Variants in MCPH1 observed in about 807,000 individuals in gnomAD.
MCPH1 encodes microcephalin.
MCPH1 carries 104 observed loss-of-function variants against 84.5 expected under a neutral mutation model. That is an observed-to-expected ratio of 1.23 (90% CI 1.05 to 1.45). MCPH1 has a LOEUF of 1.45. Among genes scored for constraint, MCPH1 ranks in the 40% most tolerant of loss-of-function variants. MCPH1 has a pLI of 0.00. For synonymous variants in MCPH1, 514 were observed against 366.8 expected, an observed-to-expected ratio of 1.40 and a Z score of -4.58; for missense variants, 1,498 against 1,005.7, an observed-to-expected ratio of 1.49 and a Z score of -6.62.
intron 12 of MCPH1, among the ~76,000 whole-genome samples, chr8:6,548,628 G>A (rs961474807): frequency 3.3e-5 from 5 of 152,176 alleles, no homozygotes; most frequent in Non-Finnish European, 4.4e-5. Context: ...AATGATGGCC[G>A]TAAGTCATAG....
At chr8:6,507,276 A>C (rs1197490505) in intron 12 of MCPH1, among the ~76,000 whole-genome samples, 2 of 152,216 alleles carry the variant, frequency 1.3e-5, no homozygotes. Flanking sequence ...TCATTTATAA[A>C]ACATGTTGAC....
At chr8:6,581,767 G>A (rs867019800) in intron 12 of MCPH1, among the ~76,000 whole-genome samples, 2 of 152,206 alleles carry the variant, frequency 1.3e-5, no homozygotes, top group East Asian at 1.9e-4. Context: ...TCTTATAAAC[G>A]ATAGAAATTT....
intron 12 of MCPH1, among the ~76,000 whole-genome samples, chr8:6,585,859 A>G (rs2959779): frequency 0.063 from 9,599 of 152,252 alleles, 336 homozygotes; most frequent in South Asian, 0.1. Flanking sequence ...AAGCTGGCCA[A>G]CAGTCACAGT....
chr8:6,413,141 A>G (rs1798774249), intron 2 of MCPH1, among the ~76,000 whole-genome samples: 1 of 152,196 alleles, frequency 6.6e-6, no homozygotes, highest in South Asian at 2.1e-4. Flanking sequence ...CCTTTATTAT[A>G]CTGTTACCTT....
chr8:6,526,257 TAAAAAAAA>T (rs35519559), intron 12 of MCPH1, among the ~76,000 whole-genome samples: 15 of 77,466 alleles, frequency 1.9e-4, no homozygotes, highest in Non-Finnish European at 3.3e-4. Context: ...TTGCCTCTAC[TAAAAAAAA>T]AAAAAAAAAA....
At chr8:6,559,999 A>G (rs1328681555) in intron 12 of MCPH1, among the ~76,000 whole-genome samples, 3 of 152,288 alleles carry the variant, frequency 2.0e-5, no homozygotes, top group Non-Finnish European at 4.4e-5. Flanking sequence ...GGACCTTTTG[A>G]TGATGTGAAA....
chr8:6,461,780 C>A (rs1036663711), intron 9 of MCPH1, among the ~76,000 whole-genome samples: 3 of 152,178 alleles, frequency 2.0e-5, no homozygotes, highest in African/African-American at 7.2e-5. Flanking sequence ...GAATTTTGAC[C>A]TGTTTTCTTT....
chr8:6,629,200 C>A (rs752703085), intron 13 of MCPH1, among the ~76,000 whole-genome samples: 1 of 152,196 alleles, frequency 6.6e-6, no homozygotes, highest in Admixed American at 6.5e-5. Flanking sequence ...TGGTGGCTTA[C>A]GCCTATAATC....
At chr8:6,593,054 T>A (rs1219152936) in intron 12 of MCPH1, among the ~76,000 whole-genome samples, 3 of 150,884 alleles carry the variant, frequency 2.0e-5, no homozygotes, top group African/African-American at 7.3e-5. Context: ...AAGGCCGCAG[T>A]TTGGACACTA....
chr8:6,531,675 C>T (rs1249705774), intron 12 of MCPH1, among the ~76,000 whole-genome samples: 1 of 152,198 alleles, frequency 6.6e-6, no homozygotes, highest in African/African-American at 2.4e-5. Context: ...ACTTAGCAAT[C>T]ACTTGTCTGG....
intron 13 of MCPH1, among the ~76,000 whole-genome samples, chr8:6,632,337 T>C (rs1425428368): frequency 1.3e-5 from 2 of 152,176 alleles, no homozygotes; most frequent in East Asian, 1.9e-4. Context: ...ATATGGTAAA[T>C]TTTATGTTAT....
intron 13 of MCPH1, among the ~76,000 whole-genome samples, chr8:6,629,858 T>C (rs1284874285): frequency 6.6e-6 from 1 of 152,178 alleles, no homozygotes. Context: ...CCCCTGATTT[T>C]CAGTTTAGAA....
At chr8:6,498,434 G>A (rs986259986) in intron 11 of MCPH1, among the ~76,000 whole-genome samples, 2 of 152,136 alleles carry the variant, frequency 1.3e-5, no homozygotes, top group Non-Finnish European at 2.9e-5. Context: ...CTATCTCTAT[G>A]CAATATTAAT....
In MCPH1 at chr8:6,617,945, T is replaced by TCTA. The variant is rs1563197129; in HGVS notation, c.2215-3509_2215-3508insCTA. On this transcript the variant is annotated intron_variant, in intron 12 of 13. Transcript: ENST00000344683. ...TATCTATCTATCTATCTATCTATCT[T>TCTA]TCTATCTATCTAGATGGGGTCTGCC... Among the ~76,000 whole-genome samples the TCTA allele has an allele frequency of 2.4e-4, 7 of 28,844 alleles. No individual in the cohort carries two copies. The East Asian group carries it at 5.8e-3, about 24-fold the overall frequency. 18.9% of individuals were successfully genotyped at this position (28,844 alleles called of 152,430 possible).
At chr8:6,476,869 A>T (rs1416080812) in intron 9 of MCPH1, among the ~76,000 whole-genome samples, 1 of 152,216 alleles carries the variant, frequency 6.6e-6, no homozygotes. Context: ...GCATGCATAC[A>T]CATACACACA....
At chr8:6,477,098 T>C (rs11137033) in intron 9 of MCPH1, among the ~76,000 whole-genome samples, 21,131 of 152,092 alleles carry the variant, frequency 0.14, 1,577 homozygotes, top group Middle Eastern at 0.24. Context: ...CAGATGTCAA[T>C]AGAACAAATA....
intron 12 of MCPH1, among the ~76,000 whole-genome samples, chr8:6,568,887 A>G (rs995664682): frequency 6.6e-6 from 1 of 152,210 alleles, no homozygotes; most frequent in Non-Finnish European, 1.5e-5. Context: ...ATTTTTGGAA[A>G]GTGCCTTGTT....
intron 9 of MCPH1, among the ~76,000 whole-genome samples, chr8:6,459,498 A>G (rs1806047194): frequency 1.3e-5 from 2 of 152,236 alleles, no homozygotes; most frequent in Non-Finnish European, 2.9e-5. Context: ...TCTATTTCCT[A>G]AAGAAAACAA....
chr8:6,609,161 G>A (rs2515554), intron 12 of MCPH1, among the ~76,000 whole-genome samples: 96,830 of 151,972 alleles, frequency 0.64, 33,377 homozygotes, highest in Non-Finnish European at 0.79. Flanking sequence ...TATAAGTTGT[G>A]TAGTTCTTTC....
Sources: allele counts gnomAD v4.1 joint callset (sites outside exome capture counted in the v4.1 genomes callset), GRCh38; gene constraint gnomAD v4.1.1; transcripts MANE v1.5; gene names NCBI Gene and HGNC (gene_info 2026-07-23, HGNC 2026-07-21).